CAMTA1: variants seen among roughly 807,000 people sequenced by gnomAD.
The protein encoded by CAMTA1 is calmodulin-binding transcription activator 1.
Under a neutral mutation model 170.9 loss-of-function variants are expected in CAMTA1, and 27 were observed. That is an observed-to-expected ratio of 0.16 (90% confidence interval 0.12 to 0.22). The LOEUF is 0.22. CAMTA1 is among the 10% of genes least tolerant of loss of function. The pLI is 1.00. For synonymous variants in CAMTA1, 833 were observed against 891.5 expected (o/e 0.93, Z 1.17); for missense variants, 1,619 against 2,217.2 (o/e 0.73, Z 5.42).
intron 3 of CAMTA1, among the ~76,000 whole-genome samples, chr1:6,920,979 T>C (rs562230026): frequency 1.3e-5 from 2 of 152,354 alleles, no homozygotes; most frequent in South Asian, 2.1e-4. Flanking sequence ...TTCCCCATTG[T>C]CTTGGGGACT....
chr1:7,754,566 T>C (rs1371970538), intron 21 of CAMTA1, among the ~76,000 whole-genome samples: 1 of 152,234 alleles, frequency 6.6e-6, no homozygotes, highest in Non-Finnish European at 1.5e-5. Context: ...CTTTCACTTT[T>C]GTTTTTAGAG....
chr1:6,863,796 C>G (rs942140616), intron 3 of CAMTA1, among the ~76,000 whole-genome samples: 2 of 152,202 alleles, frequency 1.3e-5, no homozygotes, highest in Non-Finnish European at 1.5e-5. Context: ...GAACTCTACA[C>G]TTCATTCAGA....
At chr1:7,243,840 C>A (rs1317876440) in intron 4 of CAMTA1, among the ~76,000 whole-genome samples, 2 of 152,136 alleles carry the variant, frequency 1.3e-5, no homozygotes, top group Non-Finnish European at 2.9e-5. Context: ...GCAAGGACTT[C>A]ATGTCTAAAA....
chr1:7,154,227 A>C (rs1646738050), intron 4 of CAMTA1, among the ~76,000 whole-genome samples: 1 of 152,174 alleles, frequency 6.6e-6, no homozygotes, highest in Admixed American at 6.5e-5. Context: ...TAGAGTCAGA[A>C]GATGAACAGA....
At chr1:7,412,637 T>G (rs965077680) in intron 5 of CAMTA1, among the ~76,000 whole-genome samples, 2 of 152,210 alleles carry the variant, frequency 1.3e-5, no homozygotes, top group Non-Finnish European at 2.9e-5. Context: ...TTGAGTTCAT[T>G]GTAGATTCTG....
At chr1:7,587,187 C>T (rs989378835) in intron 6 of CAMTA1, among the ~76,000 whole-genome samples, 5 of 152,058 alleles carry the variant, frequency 3.3e-5, no homozygotes, top group Non-Finnish European at 7.4e-5. Flanking sequence ...AGGTGGGGGG[C>T]CCACACAGCC....
intron 7 of CAMTA1, among the ~76,000 whole-genome samples, chr1:7,654,333 T>C (rs1165826766): frequency 6.6e-6 from 1 of 151,936 alleles, no homozygotes; most frequent in Non-Finnish European, 1.5e-5. Flanking sequence ...TGAGCTCAGA[T>C]TGCACCACTG....
rs1009909982 is a variant in CAMTA1 at position 7,014,828 on chromosome 1, G to A, written c.235-76476G>A. Among the ~76,000 whole-genome samples, 1 of 152,124 alleles carries A rather than the reference G, an allele frequency of 6.6e-6. No homozygotes were observed. Among genetic ancestry groups the A allele is most frequent in the Non-Finnish European group, 1.5e-5 (1 of 68,022 alleles). On this transcript the variant is annotated intron_variant, in intron 3 of 22. Transcript: ENST00000303635. The surrounding 1 kb of genome is among the most constrained non-coding windows in gnomAD (Gnocchi z 4.2). ...CCTGCAGCATGTCGGGGGCCGGGTG[G>A]GGGAGCGGGTGGTGGCATCAGTGGG...
chr1:7,658,764 A>C (rs1397147938), intron 7 of CAMTA1, among the ~76,000 whole-genome samples: 3 of 152,192 alleles, frequency 2.0e-5, no homozygotes, highest in Non-Finnish European at 2.9e-5. Context: ...GGTTTATTTA[A>C]GAAAAGGGTC....
At chr1:7,315,016 A>G (rs1677278549) in intron 5 of CAMTA1, among the ~76,000 whole-genome samples, 1 of 152,218 alleles carries the variant, frequency 6.6e-6, no homozygotes, top group Non-Finnish European at 1.5e-5. Flanking sequence ...TGAAAAAGAG[A>G]GCAGGGATGA....
intron 5 of CAMTA1, among the ~76,000 whole-genome samples, chr1:7,334,186 A>G (rs2083207833): frequency 6.6e-6 from 1 of 152,242 alleles, no homozygotes; most frequent in Non-Finnish European, 1.5e-5. Context: ...AGTCTGTCAC[A>G]TGTAATGAGG....
rs77239865 is a variant in CAMTA1 at position 7,268,845 on chromosome 1, A to G, written c.438+19219A>G. On this transcript the variant is annotated intron_variant, in intron 5 of 22. Coordinates refer to ENST00000303635, the MANE Select transcript of CAMTA1 (RefSeq NM_015215.4). ...CAGTAGAAAGAGGACCCAAAATAAC[A>G]TAGATATGGAATTAAAAGACAAGAG... Among the ~76,000 whole-genome samples, 552 of 152,336 alleles carry G rather than the reference A, an allele frequency of 3.6e-3. 6 individuals carry two copies. The highest frequency in any genetic ancestry group is 0.013 in the African/African-American group (536 of 41,570).
At chr1:6,826,002 A>C (rs1382786957) in intron 3 of CAMTA1, among the ~76,000 whole-genome samples, 1 of 152,172 alleles carries the variant, frequency 6.6e-6, no homozygotes, top group Non-Finnish European at 1.5e-5. Flanking sequence ...GCCAAGTTCC[A>C]TTTGTGTGCC....
At chr1:7,051,728 G>GTTTGCCAGGACAGACTCAT (rs1706392286) in intron 3 of CAMTA1, among the ~76,000 whole-genome samples, 1 of 117,328 alleles carries the variant, frequency 8.5e-6, no homozygotes, top group Non-Finnish European at 2.0e-5. Flanking sequence ...GACAGACTCA[G>GTTTGCCAGGACAGACTCAT]GACCAGCCTG....
At position 6,870,012 on chromosome 1, in the gene CAMTA1, C is replaced by T. The variant is rs560569156; in HGVS notation, c.234+44802C>T. On this transcript the variant is annotated intron_variant, in intron 3 of 22. Coordinates refer to ENST00000303635, the MANE Select transcript of CAMTA1 (RefSeq NM_015215.4). ...GTCAAGAAGAGATTGTTATTTAATA[C>T]ATACATGTTTTAGTAATGAAGGAGG... is the stretch of plus-strand genomic sequence containing the variant. Among the ~76,000 whole-genome samples, 7 of 152,262 alleles carry T rather than the reference C, an allele frequency of 4.6e-5. No homozygotes were observed. In the South Asian group the frequency reaches 1.5e-3, roughly 32 times the overall value.
intron 7 of CAMTA1, among the ~76,000 whole-genome samples, chr1:7,655,480 AAC>A (rs1041041924): frequency 9.9e-5 from 1 of 10,118 alleles, no homozygotes; most frequent in African/African-American, 3.0e-4. Flanking sequence ...CACCTATACA[AAC>A]ACACACCTAT....
chr1:6,922,230 A>T (rs1448949985), intron 3 of CAMTA1, among the ~76,000 whole-genome samples: 1 of 152,150 alleles, frequency 6.6e-6, no homozygotes, highest in Non-Finnish European at 1.5e-5. Flanking sequence ...CTAGTTTCAG[A>T]TGAGCAAAAG....
At chr1:7,478,698 A>G (rs1354689540) in intron 6 of CAMTA1, among the ~76,000 whole-genome samples, 1 of 101,604 alleles carries the variant, frequency 9.8e-6, no homozygotes, top group African/African-American at 4.9e-5. Flanking sequence ...TGGGCAATAC[A>G]GTTTGGTTAC....
intron 7 of CAMTA1, among the ~76,000 whole-genome samples, chr1:7,651,782 C>T (rs979719169): frequency 1.3e-5 from 2 of 152,256 alleles, no homozygotes; most frequent in Non-Finnish European, 2.9e-5. Flanking sequence ...AGATCTTGTT[C>T]TAAGATCACA....
Sources: allele counts gnomAD v4.1 joint callset (sites outside exome capture counted in the v4.1 genomes callset), GRCh38; gene constraint gnomAD v4.1.1; non-coding constraint Gnocchi (gnomAD v3.1); transcripts MANE v1.5; gene names NCBI Gene and HGNC (gene_info 2026-07-23, HGNC 2026-07-21).